The following CSMD3 variants were observed in gnomAD, a reference collection of about 807,000 sequenced individuals.
CSMD3 encodes CUB and Sushi multiple domains 3, also known as CUB and sushi domain-containing protein 3.
A neutral mutation model predicts 435.2 loss-of-function variants in CSMD3; 177 were observed. That is an observed-to-expected ratio of 0.41 (90% CI 0.36 to 0.46). The LOEUF (loss-of-function observed/expected upper bound fraction) is 0.46, where lower values mean the gene tolerates loss of function less well. Among genes scored for constraint, CSMD3 ranks in the 20% least tolerant of loss-of-function variants. The pLI is 0.34. For synonymous variants in CSMD3, 1,656 were observed against 1,520.5 expected (o/e 1.09, Z -2.07); for missense variants, 4,265 against 4,504.6 (o/e 0.95, Z 1.52).
chr8:112,870,914 T>C (rs78539148), intron 10 of CSMD3, among the ~76,000 whole-genome samples: 3 of 152,252 alleles, frequency 2.0e-5, no homozygotes, highest in Admixed American at 1.3e-4. Flanking sequence ...TCTTAGGAAC[T>C]GATGGAGAAA....
At position 112,301,929 on chromosome 8, in the gene CSMD3, T is replaced by C; in HGVS notation, c.8304A>G (p.Gly2768=). Residue 2768 remains glycine (G), a synonymous_variant, in exon 53 of 71, where the codon GGA becomes GGG. Coordinates refer to ENST00000297405, the MANE Select transcript of CSMD3 (RefSeq NM_198123.2). The part of the protein sequence containing the change: ...SCGELPTPPN[G]NKIGTQTSYG... ...ATGAAGTTTGAGTTCCAATCTTATT[T>C]CCATTTGGAGGTGTAGGTAGTTCTC... 6.2e-7 allele frequency: 1 copy of C among 1,612,540 alleles called. No homozygotes were observed. The highest frequency in any genetic ancestry group is 1.1e-5 in the South Asian group (1 of 91,038).
At chr8:112,772,167 TA>T (rs973559717) in intron 13 of CSMD3, among the ~76,000 whole-genome samples, 2 of 130,280 alleles carry the variant, frequency 1.5e-5, no homozygotes, top group African/African-American at 6.7e-5. Flanking sequence ...GGGCATTGAC[TA>T]AAAACTGTGG....
intron 13 of CSMD3, among the ~76,000 whole-genome samples, chr8:112,789,909 T>C (rs191146858): frequency 1.3e-5 from 2 of 151,990 alleles, no homozygotes. Flanking sequence ...ATTGGGGAAT[T>C]ACAAACTTTA....
At chr8:112,302,213 A>ATT (rs34697524) in intron 52 of CSMD3, among the ~76,000 whole-genome samples, 24,698 of 134,830 alleles carry the variant, frequency 0.18, 2,658 homozygotes, top group Middle Eastern at 0.37. Flanking sequence ...TTTTTTTTTC[A>ATT]TTTTTTTTTT....
At chr8:112,434,964 T>C (rs756244656) in intron 32 of CSMD3, among the ~76,000 whole-genome samples, 5 of 152,074 alleles carry the variant, frequency 3.3e-5, no homozygotes, top group Non-Finnish European at 7.4e-5. Context: ...CTTCAGTCCA[T>C]GGTACATCTT....
chr8:113,282,867 G>A (rs1043368624), intron 2 of CSMD3, among the ~76,000 whole-genome samples: 1 of 152,032 alleles, frequency 6.6e-6, no homozygotes, highest in Non-Finnish European at 1.5e-5. Flanking sequence ...AAAGAGTGTG[G>A]TGCTAACATA....
intron 52 of CSMD3, 34 bp from the exon 53 acceptor site, chr8:112,302,000 G>C (rs979905229): frequency 6.9e-7 from 1 of 1,439,586 alleles, no homozygotes. Context: ...AATCCTTAAA[G>C]ATATAGTCAA....
chr8:112,563,594 T>C (rs760965945), intron 24 of CSMD3, among the ~76,000 whole-genome samples: 14 of 152,004 alleles, frequency 9.2e-5, no homozygotes, highest in Non-Finnish European at 1.6e-4. Flanking sequence ...TGTTCATCTT[T>C]GACTGAATAT....
chr8:112,392,859 T>A (rs1193592842), intron 35 of CSMD3, among the ~76,000 whole-genome samples: 1 of 132,330 alleles, frequency 7.6e-6, no homozygotes, highest in Non-Finnish European at 1.5e-5. Context: ...TAGTTTCTTT[T>A]TTTTCTTTTT....
chr8:112,755,835 A>G (rs1013114684), intron 13 of CSMD3, among the ~76,000 whole-genome samples: 1 of 149,200 alleles, frequency 6.7e-6, no homozygotes, highest in East Asian at 1.9e-4. Context: ...ATTAATATAT[A>G]CTTTGTTAAT....
At position 113,101,396 on chromosome 8, in the gene CSMD3, G is replaced by A. The variant is rs1179417439; in HGVS notation, c.710-2433C>T. ...CCATTTATTCACCCTCTGTGGAAAT[G>A]CAGTTTCTTTCAAAATGCAGTCCTT... On this transcript the variant is annotated intron_variant, in intron 4 of 70. Transcript: ENST00000297405. Among the ~76,000 whole-genome samples, 11 of 152,078 alleles carry A rather than the reference G, an allele frequency of 7.2e-5. No individual in the cohort carries two copies. The South Asian group carries it at 1.9e-3, about 26-fold the overall frequency.
At chr8:113,127,078 T>A (rs944501961) in intron 4 of CSMD3, among the ~76,000 whole-genome samples, 5 of 152,038 alleles carry the variant, frequency 3.3e-5, no homozygotes, top group African/African-American at 1.2e-4. Context: ...TATACTAATA[T>A]ATAAATTTAT....
chr8:113,307,678 C>A (rs544165158), intron 2 of CSMD3, among the ~76,000 whole-genome samples: 1 of 152,096 alleles, frequency 6.6e-6, no homozygotes, highest in Admixed American at 6.5e-5. Context: ...TTTGATACAT[C>A]AAGACTAAGC....
rs558485222 is a variant in CSMD3 at position 112,414,559 on chromosome 8, C to A, written c.5396-5527G>T. The stretch of plus-strand genomic sequence containing the variant: ...GTATTTCTTCATAGCAGTGTGAGAA[C>A]AGGCTAATACAGTAAATTGGTACCA... On this transcript the variant is annotated intron_variant, in intron 32 of 70. Coordinates refer to ENST00000297405, the MANE Select transcript of CSMD3 (RefSeq NM_198123.2). Among the ~76,000 whole-genome samples the A allele has an allele frequency of 7.2e-4, 109 of 152,216 alleles. 1 individual carries two copies. Among genetic ancestry groups the A allele is most frequent in the African/African-American group, 2.5e-3 (103 of 41,538 alleles).
intron 4 of CSMD3, among the ~76,000 whole-genome samples, chr8:113,162,088 A>T (rs565990728): frequency 4.5e-4 from 69 of 152,180 alleles, no homozygotes; most frequent in Non-Finnish European, 8.5e-4. Flanking sequence ...ATTGAATTAA[A>T]GTGGAGCAGA....
At chr8:112,968,133 G>T (rs1226088914) in intron 7 of CSMD3, among the ~76,000 whole-genome samples, 1 of 151,764 alleles carries the variant, frequency 6.6e-6, no homozygotes, top group Admixed American at 6.6e-5. Context: ...CACATTTAAT[G>T]AGATAAGTAG....
intron 2 of CSMD3, among the ~76,000 whole-genome samples, chr8:113,293,262 C>T (rs1241327240): frequency 1.3e-5 from 2 of 150,606 alleles, no homozygotes; most frequent in African/African-American, 4.9e-5. Flanking sequence ...TCCTATTTTA[C>T]GTGCCCACTT....
At chr8:113,048,410 C>A (rs968075210) in intron 5 of CSMD3, among the ~76,000 whole-genome samples, 1 of 151,978 alleles carries the variant, frequency 6.6e-6, no homozygotes, top group Non-Finnish European at 1.5e-5. Context: ...AATTCTTACT[C>A]GGAAAAATCA....
In CSMD3 at chr8:112,223,172, T is replaced by C. The variant is rs1053201016; in HGVS notation, c.*1599A>G. ...TGAATAAACAAGAATAAATAACTGA[T>C]GGCATAAAATTTAAAACTGCATCCT... On this transcript the variant is annotated 3_prime_UTR_variant, in exon 71 of 71. Coordinates refer to ENST00000297405, the MANE Select transcript of CSMD3 (RefSeq NM_198123.2). 4.3e-5 allele frequency: 17 copies of C among 396,868 alleles called. No individual in the cohort carries two copies. The highest frequency in any genetic ancestry group is 1.3e-4 in the South Asian group (1 of 7,788). 24.6% of individuals were successfully genotyped at this position (396,868 alleles called of 1,614,324 possible).
Sources: gnomAD v4.1 joint callset for allele counts (sites outside exome capture counted in the v4.1 genomes callset) on GRCh38, gnomAD v4.1.1 for gene constraint, MANE v1.5 for transcripts, NCBI Gene and HGNC (gene_info 2026-07-23, HGNC 2026-07-21) for gene names.